Variants in USP33 observed in about 807,000 individuals in gnomAD.
USP33 encodes the protein ubiquitin specific peptidase 33, also known as ubiquitin carboxyl-terminal hydrolase 33.
Under a neutral mutation model 124.2 loss-of-function variants are expected in USP33, and 46 were observed. That is an observed-to-expected ratio of 0.37 (90% CI 0.29 to 0.47). USP33 has a LOEUF of 0.47. USP33 is among the 20% of genes least tolerant of loss of function. USP33 has a pLI of 0.99. For synonymous variants in USP33, 350 were observed against 352.3 expected (o/e 0.99, Z 0.07); for missense variants, 851 against 1,070.6 (o/e 0.79, Z 2.86).
chr1:77,713,306 G>C, intron 19 of USP33, 25 bp from the exon 20 acceptor site: 1 of 1,538,384 alleles, frequency 6.5e-7, no homozygotes, highest in South Asian at 1.2e-5. Context: ...AAACATATCT[G>C]TTTCATGCTT....
intron 7 of USP33, 109 bp downstream of exon 7, chr1:77,734,238 C>T: frequency 1.2e-6 from 1 of 811,784 alleles, no homozygotes; most frequent in African/African-American, 1.8e-5. Flanking sequence ...AAACCAGATT[C>T]TTGCCTGTTC....
chr1:77,758,009 A>G (rs1458016805), intron 1 of USP33, among the ~76,000 whole-genome samples: 1 of 152,170 alleles, frequency 6.6e-6, no homozygotes, highest in Non-Finnish European at 1.5e-5. Flanking sequence ...CTGCAGTTAT[A>G]TAAAAAGACT....
At chr1:77,718,334 C>T (rs1205636596) in intron 16 of USP33, among the ~76,000 whole-genome samples, 1 of 152,164 alleles carries the variant, frequency 6.6e-6, no homozygotes, top group Admixed American at 6.5e-5. Context: ...TCTAAGTTCA[C>T]TGCTATTTGT....
chr1:77,713,446 T>C (rs1455110513), intron 19 of USP33, 165 bp from the exon 20 acceptor site: 2 of 568,066 alleles, frequency 3.5e-6, no homozygotes, highest in Non-Finnish European at 5.8e-6. Context: ...TGCAGTGGCA[T>C]GATCATGGCT....
At position 77,741,702 on chromosome 1, in the gene USP33, T is replaced by C. The variant is rs1679138076; in HGVS notation, c.-5A>G. On this transcript the variant is annotated 5_prime_UTR_variant, in exon 2 of 24. Transcript: ENST00000370794. ...ATGATTTCGAAAAGCTGACATTTTG[T>C]TAGGAATTTTTTCCTGTTTCCCAAG... 1 of 1,605,232 alleles carries C rather than the reference T, an allele frequency of 6.2e-7. No homozygotes were observed. Among genetic ancestry groups the C allele is most frequent in the South Asian group, 1.1e-5 (1 of 88,688 alleles).
At chr1:77,757,581 ATTCCC>A (rs939124677) in intron 1 of USP33, among the ~76,000 whole-genome samples, 5 of 152,218 alleles carry the variant, frequency 3.3e-5, no homozygotes, top group Admixed American at 6.5e-5. Flanking sequence ...GCTGTTACTT[ATTCCC>A]TTCCTTTTTA....
intron 7 of USP33, 51 bp from the exon 8 acceptor site, chr1:77,730,782 T>A (rs1677714926): frequency 8.1e-7 from 1 of 1,230,792 alleles, no homozygotes; most frequent in Non-Finnish European, 1.1e-6. Flanking sequence ...CTAATACTGA[T>A]TATTTCTAGT....
At position 77,723,436 on chromosome 1, in the gene USP33, A is replaced by C. The variant is rs1676800742; in HGVS notation, c.1284T>G (p.Ser428=). 1 of 1,603,978 alleles carries C rather than the reference A, an allele frequency of 6.2e-7. No homozygotes were observed. The highest frequency in any genetic ancestry group is 2.2e-5 in the East Asian group (1 of 44,778). Residue 428 remains serine (S), a synonymous_variant, in exon 12 of 24, where the codon TCT becomes TCG. Transcript: ENST00000370794. ...GCTGTTTTTTTCTCTTTGGAGATGCAGACTGAGCTAGGATTGAAAAACATT... is the reference window on the plus strand; with the variant it reads ...GCTGTTTTTTTCTCTTTGGAGATGCCGACTGAGCTAGGATTGAAAAACATT... The part of the protein sequence containing the change: ...GLAPPHKKAQ[S]ASPKRKKQHK...
Position 77,733,031 on chromosome 1 carries a change from G to A in USP33, c.524+1316C>T, listed in dbSNP as rs535486788. 3.0e-3 allele frequency among the ~76,000 whole-genome samples: 454 copies of A among 151,670 alleles called. 2 individuals are homozygous for A. Among genetic ancestry groups the A allele is most frequent in the African/African-American group, 0.01 (434 of 41,478 alleles). ...GCTGGTCTCGAACTCCTGACCTCAT[G>A]ATCCACCCGCCTCAGCCTCCCAAAG... is the stretch of plus-strand genomic sequence containing the variant. On this transcript the variant is annotated intron_variant, in intron 7 of 23. Transcript: ENST00000370794.
intron 1 of USP33, among the ~76,000 whole-genome samples, chr1:77,744,739 C>T (rs934375845): frequency 1.2e-4 from 19 of 152,052 alleles, no homozygotes; most frequent in Admixed American, 3.9e-4. Flanking sequence ...CACCTACTCA[C>T]GAGGCTGAGG....
At chr1:77,745,945 G>A (rs539806993) in intron 1 of USP33, among the ~76,000 whole-genome samples, 41 of 152,176 alleles carry the variant, frequency 2.7e-4, no homozygotes, top group African/African-American at 9.6e-4. Context: ...ATCTAAAATC[G>A]ACACCCTAAC....
intron 1 of USP33, among the ~76,000 whole-genome samples, chr1:77,749,225 T>C (rs1361549147): frequency 6.6e-6 from 1 of 152,212 alleles, no homozygotes; most frequent in African/African-American, 2.4e-5. Flanking sequence ...CATATCTTTT[T>C]CTTCTACAAG....
chr1:77,704,182 T>C (rs1455923622), intron 21 of USP33, among the ~76,000 whole-genome samples: 1 of 152,138 alleles, frequency 6.6e-6, no homozygotes, highest in Non-Finnish European at 1.5e-5. Context: ...CAAAGATCTT[T>C]CTGGGACACA....
intron 11 of USP33, among the ~76,000 whole-genome samples, chr1:77,725,336 G>A (rs1465563384): frequency 6.6e-6 from 1 of 152,198 alleles, no homozygotes; most frequent in Non-Finnish European, 1.5e-5. Context: ...TGGGGTGTTA[G>A]AGCTGTTCTG....
chr1:77,720,165 G>GAAAAAAAAAAA (rs745681259), intron 15 of USP33, among the ~76,000 whole-genome samples: 3 of 42,744 alleles, frequency 7.0e-5, no homozygotes, highest in Non-Finnish European at 8.7e-5. Context: ...TGTCTCAAAT[G>GAAAAAAAAAAA]AAAAAAAAAA....
intron 11 of USP33, 82 bp downstream of exon 11, chr1:77,725,540 C>A: frequency 6.8e-7 from 1 of 1,465,526 alleles, no homozygotes; most frequent in South Asian, 1.4e-5. Context: ...TCATAATTAA[C>A]ACTTTAAATT....
chr1:77,711,653 T>C, intron 21 of USP33, 94 bp downstream of exon 21: 1 of 1,526,530 alleles, frequency 6.6e-7, no homozygotes, highest in Non-Finnish European at 8.7e-7. Flanking sequence ...TTACAACTCT[T>C]TCATCTAATC....
chr1:77,757,524 T>C (rs1680910089), intron 1 of USP33, among the ~76,000 whole-genome samples: 1 of 152,256 alleles, frequency 6.6e-6, no homozygotes, highest in Non-Finnish European at 1.5e-5. Context: ...AAAATGTTCC[T>C]GCAGACACAT....
chr1:77,728,577 C>T lies in USP33; in HGVS notation c.853G>A (p.Val285Ile), dbSNP rs1305390516. Residue 285 changes from valine to isoleucine, a missense_variant, in exon 10 of 24, where the codon GTA becomes ATA. Physicochemically the swap from Val to Ile is conservative, Grantham distance 29. Around this residue, in one of 4 missense-constraint regions of USP33, gnomAD observed 207 missense variants for 200.9 expected, o/e 1.03. Transcript: ENST00000370794. ...CAAGATTCACAAGACTGAAAATCTA[C>T]ATCCGACTGGCTCTTGTCTTCTTCC... ...TMEEDKSQSD[V>I]DFQSCESCSN... is the part of the protein sequence containing the mutation. 3.7e-6 allele frequency: 6 copies of T among 1,614,166 alleles called. No individual in the cohort carries two copies. The highest frequency in any genetic ancestry group is 2.2e-5 in the East Asian group (1 of 44,874).
Sources: gnomAD v4.1 joint callset for allele counts (sites outside exome capture counted in the v4.1 genomes callset) on GRCh38, gnomAD v4.1.1 for gene constraint, gnomAD v4.1.1 regional missense constraint, MANE v1.5 for transcripts, NCBI Gene and HGNC (gene_info 2026-07-23, HGNC 2026-07-21) for gene names.